Variants in PRKCE observed in about 807,000 individuals in gnomAD.
PRKCE encodes the protein protein kinase C epsilon type.
In PRKCE, 16 loss-of-function variants were observed where a neutral mutation model predicts 85.4. That is an observed-to-expected ratio of 0.19 (90% CI 0.13 to 0.28). The LOEUF (loss-of-function observed/expected upper bound fraction) is 0.28, where lower values mean the gene tolerates loss of function less well. PRKCE is among the 10% of genes least tolerant of loss of function. PRKCE has a pLI of 1.00. For synonymous variants in PRKCE, 388 were observed against 371.5 expected (o/e 1.04, Z -0.51); for missense variants, 573 against 975.2 (o/e 0.59, Z 5.49).
At chr2:45,730,695 A>G (rs1206230387) in intron 1 of PRKCE, among the ~76,000 whole-genome samples, 1 of 151,994 alleles carries the variant, frequency 6.6e-6, no homozygotes, top group Non-Finnish European at 1.5e-5. Context: ...CCTGGCCTTA[A>G]GCTATCTACC....
chr2:46,107,619 G>T (rs1395213147), intron 11 of PRKCE, among the ~76,000 whole-genome samples: 1 of 152,214 alleles, frequency 6.6e-6, no homozygotes, highest in Non-Finnish European at 1.5e-5. Context: ...GCTTAGCTTG[G>T]TAAGAAACTG....
chr2:45,959,809 G>T (rs1000158450), intron 2 of PRKCE, among the ~76,000 whole-genome samples: 2 of 152,152 alleles, frequency 1.3e-5, no homozygotes, highest in African/African-American at 2.4e-5. Flanking sequence ...GCTAAAGTGG[G>T]GCCTCTGGTC....
chr2:45,922,951 C>CG (rs1698360765), intron 2 of PRKCE, among the ~76,000 whole-genome samples: 1 of 152,270 alleles, frequency 6.6e-6, no homozygotes, highest in African/African-American at 2.4e-5. Flanking sequence ...GATCATGTTT[C>CG]GATATCCCTG....
At chr2:45,885,002 T>TTTTGTTGTTG (rs375477829) in intron 2 of PRKCE, among the ~76,000 whole-genome samples, 1 of 97,642 alleles carries the variant, frequency 1.0e-5, no homozygotes, top group Non-Finnish European at 2.1e-5. Context: ...TATATATATA[T>TTTTGTTGTTG]TTGTTGTTGT....
At chr2:46,112,357 G>A (rs1409836928) in intron 11 of PRKCE, among the ~76,000 whole-genome samples, 1 of 151,968 alleles carries the variant, frequency 6.6e-6, no homozygotes, top group Non-Finnish European at 1.5e-5. Context: ...TGGTTTGCTT[G>A]CTTGTTTTGC....
At chr2:45,960,048 A>T (rs752640811) in intron 2 of PRKCE, among the ~76,000 whole-genome samples, 3 of 152,162 alleles carry the variant, frequency 2.0e-5, no homozygotes, top group Non-Finnish European at 4.4e-5. Context: ...TTTTTCATTT[A>T]CAGCATTTGG....
chr2:46,101,351 A>C (rs1041459659), intron 11 of PRKCE, among the ~76,000 whole-genome samples: 43 of 152,304 alleles, frequency 2.8e-4, no homozygotes, highest in African/African-American at 9.9e-4. Flanking sequence ...AAAGTCAAGG[A>C]AGGCTTTCTG....
Position 46,139,016 on chromosome 2 carries a change from C to T in PRKCE, c.1593-6077C>T, listed in dbSNP as rs1179419119. On this transcript the variant is annotated intron_variant, in intron 11 of 14. Coordinates refer to ENST00000306156, the MANE Select transcript of PRKCE (RefSeq NM_005400.3). The surrounding 1 kb of genome is among the most constrained non-coding windows in gnomAD (Gnocchi z 5.2). ...ATGGAAGTTCTCGTAAGTCTTCAGT[C>T]GAGTGGAGAGTAAAGTAGCCATCTA... Among the ~76,000 whole-genome samples, 4 of 152,014 alleles carry T rather than the reference C, an allele frequency of 2.6e-5. No individual in the cohort carries two copies. The highest frequency in any genetic ancestry group is 1.9e-4 in the East Asian group (1 of 5,190).
intron 1 of PRKCE, among the ~76,000 whole-genome samples, chr2:45,806,059 A>G (rs1028647144): frequency 2.0e-5 from 3 of 152,180 alleles, no homozygotes; most frequent in African/African-American, 7.2e-5. Flanking sequence ...TCCTTGCTGA[A>G]TGAGCTCCAG....
chr2:46,095,742 C>A (rs1393790982), intron 11 of PRKCE, among the ~76,000 whole-genome samples: 3 of 152,180 alleles, frequency 2.0e-5, no homozygotes, highest in African/African-American at 7.2e-5. Context: ...GCATTCTTTT[C>A]TTACTCTCTC....
At chr2:46,027,826 C>T (rs935736954) in intron 10 of PRKCE, among the ~76,000 whole-genome samples, 4 of 152,202 alleles carry the variant, frequency 2.6e-5, no homozygotes, top group Admixed American at 1.3e-4. Flanking sequence ...TAGTCCCTAT[C>T]CTCTTTCCAA....
intron 1 of PRKCE, among the ~76,000 whole-genome samples, chr2:45,830,516 C>G (rs544813118): frequency 2.0e-5 from 3 of 152,274 alleles, no homozygotes; most frequent in Non-Finnish European, 4.4e-5. Context: ...ACATAAGGAT[C>G]ATTCCTACTG....
chr2:45,797,662 T>G (rs531846358), intron 1 of PRKCE, among the ~76,000 whole-genome samples: 9 of 152,318 alleles, frequency 5.9e-5, no homozygotes, highest in African/African-American at 2.2e-4. Context: ...TCTCTGCTGT[T>G]GGGGCAACAG....
intron 11 of PRKCE, among the ~76,000 whole-genome samples, chr2:46,131,930 A>G (rs575690931): frequency 3.3e-5 from 5 of 152,282 alleles, no homozygotes; most frequent in African/African-American, 9.6e-5. Flanking sequence ...CAATGCCTCT[A>G]TTAGTCTGGA....
At chr2:45,863,305 C>A (rs1693318978) in intron 2 of PRKCE, among the ~76,000 whole-genome samples, 1 of 152,086 alleles carries the variant, frequency 6.6e-6, no homozygotes, top group Admixed American at 6.5e-5. Flanking sequence ...TTGGTATCTC[C>A]TACATAAAGG....
intron 14 of PRKCE, among the ~76,000 whole-genome samples, chr2:46,180,602 A>G (rs773847001): frequency 6.6e-6 from 1 of 152,198 alleles, no homozygotes; most frequent in South Asian, 2.1e-4. Context: ...TGTGTTGGGA[A>G]ACAACCAAGC....
chr2:45,766,768 G>A (rs1189766512), intron 1 of PRKCE, among the ~76,000 whole-genome samples: 1 of 152,170 alleles, frequency 6.6e-6, no homozygotes, highest in Admixed American at 6.5e-5. Context: ...GGCCGGGCAC[G>A]GAGGCTCATG....
chr2:45,861,659 T>C (rs1478950914), intron 2 of PRKCE, among the ~76,000 whole-genome samples: 1 of 152,162 alleles, frequency 6.6e-6, no homozygotes, highest in Non-Finnish European at 1.5e-5. Flanking sequence ...TAAATGCCAT[T>C]TGAACTGTTG....
chr2:45,873,455 C>CAAAAAAAA (rs56281653), intron 2 of PRKCE, among the ~76,000 whole-genome samples: 13 of 143,800 alleles, frequency 9.0e-5, no homozygotes, highest in Non-Finnish European at 1.5e-4. Context: ...TAGTAGACTG[C>CAAAAAAAA]AAAAAAAAAA....
Sources: gnomAD v4.1 joint callset for allele counts (sites outside exome capture counted in the v4.1 genomes callset) on GRCh38, gnomAD v4.1.1 for gene constraint, Gnocchi (gnomAD v3.1) non-coding constraint, MANE v1.5 for transcripts, NCBI Gene and HGNC (gene_info 2026-07-23, HGNC 2026-07-21) for gene names.